KALRN: variants seen among roughly 807,000 people sequenced by gnomAD.
KALRN encodes the protein kalirin.
A neutral mutation model predicts 353.7 loss-of-function variants in KALRN; 70 were observed. The ratio of observed to expected loss-of-function variants is 0.20; its 90% CI spans 0.16 to 0.24. KALRN has a LOEUF of 0.24. Ranked by LOEUF, KALRN falls within the 10% of genes least tolerant of loss-of-function variation. KALRN has a pLI of 1.00. For synonymous variants in KALRN, 1,391 were observed against 1,434.8 expected, an observed-to-expected ratio of 0.97 and a Z score of 0.69; for missense variants, 2,791 against 3,756.7, an observed-to-expected ratio of 0.74 and a Z score of 6.72.
At chr3:124,395,094 TC>T (rs752227547) in intron 11 of KALRN, 40 bp from the exon 12 acceptor site, 2 of 1,556,010 alleles carry the variant, frequency 1.3e-6, no homozygotes, top group South Asian at 2.3e-5. Flanking sequence ...CCCTGGCCTC[TC>T]CCATCTTCCC....
intron 25 of KALRN, 47 bp downstream of exon 25, chr3:124,462,680 C>A (rs375659012): frequency 5.4e-6 from 6 of 1,112,002 alleles, no homozygotes; most frequent in Admixed American, 1.8e-5. Context: ...GCCGTAAAAA[C>A]CAGACAACAG....
At chr3:124,251,034 C>T (rs1477890197) in intron 3 of KALRN, among the ~76,000 whole-genome samples, 4 of 152,222 alleles carry the variant, frequency 2.6e-5, no homozygotes, top group Admixed American at 1.3e-4. Context: ...CATGTCTTCT[C>T]TTGGCTAAGA....
chr3:124,387,771 A>C (rs568447658), intron 11 of KALRN, among the ~76,000 whole-genome samples: 4 of 152,302 alleles, frequency 2.6e-5, no homozygotes, highest in Admixed American at 2.0e-4. Context: ...CATTCTATTC[A>C]AGACATCTAC....
At chr3:124,359,472 C>G (rs1434938549) in intron 10 of KALRN, among the ~76,000 whole-genome samples, 4 of 152,228 alleles carry the variant, frequency 2.6e-5, no homozygotes, top group Non-Finnish European at 4.4e-5. Context: ...TAGTAGTCCC[C>G]TATCTCCATA....
chr3:124,042,787 G>C (rs574986995), intron 1 of KALRN, among the ~76,000 whole-genome samples: 1 of 152,160 alleles, frequency 6.6e-6, no homozygotes, highest in South Asian at 2.1e-4. Flanking sequence ...GCTAAGGGAC[G>C]TGTGGATTCA....
intron 1 of KALRN, among the ~76,000 whole-genome samples, chr3:124,115,835 G>A (rs142980030): frequency 3.3e-5 from 5 of 152,282 alleles, no homozygotes; most frequent in African/African-American, 1.2e-4. Flanking sequence ...ATAAATACCA[G>A]AAGCTTCATG....
chr3:124,279,699 G>A (rs2075148004), intron 5 of KALRN, among the ~76,000 whole-genome samples: 1 of 152,230 alleles, frequency 6.6e-6, no homozygotes, highest in Non-Finnish European at 1.5e-5. Flanking sequence ...ACTTGCTGAA[G>A]ATAAGCCAAT....
rs753457795 is a variant in KALRN, at chr3:124,334,338, C to T, written c.1490C>T (p.Thr497Met). 3.3e-5 allele frequency: 53 copies of T among 1,614,138 alleles called. No individual in the cohort carries two copies. Among genetic ancestry groups the T allele is most frequent in the Non-Finnish European group, 4.0e-5 (47 of 1,180,052 alleles). The change falls in exon 9 of 60, where the codon ACG becomes ATG. Residue 497 changes from threonine (T) to methionine (M), a missense_variant. By Grantham distance (81) the Thr-to-Met change is moderately conservative. This residue lies in a region of KALRN where 366 missense variants were observed against 489.2 expected (regional missense o/e 0.75). Coordinates refer to ENST00000682506, the MANE Select transcript of KALRN (RefSeq NM_001388419.1). This position sits in a 1 kb window ranked among gnomAD's most constrained non-coding sequence, Gnocchi z 4.2. ...AGCCCTGGGAACTCCGAATCCCTCA[C>T]GGCCACAGCCAACTACTCCAAGGCA... ...PLSPGNSESLTATANYSKAVH... is the reference protein window; with the variant it reads ...PLSPGNSESLMATANYSKAVH...
At chr3:124,342,058 T>C (rs1480041090) in intron 9 of KALRN, among the ~76,000 whole-genome samples, 1 of 152,094 alleles carries the variant, frequency 6.6e-6, no homozygotes, top group East Asian at 1.9e-4. Flanking sequence ...GGGGACTTAG[T>C]GTCAAGGTAA....
At chr3:124,553,970 C>T (rs542355542) in intron 33 of KALRN, among the ~76,000 whole-genome samples, 13 of 152,348 alleles carry the variant, frequency 8.5e-5, no homozygotes, top group African/African-American at 2.4e-4. Flanking sequence ...CTTCTTTCCC[C>T]GAGGAGAGTA....
At chr3:124,500,354 A>C (rs117666262) in intron 33 of KALRN, among the ~76,000 whole-genome samples, 1 of 152,300 alleles carries the variant, frequency 6.6e-6, no homozygotes, top group East Asian at 1.9e-4. Context: ...CTGCAGCTTC[A>C]TCCAAATTCT....
At chr3:124,401,596 G>A (rs2090877956) in intron 13 of KALRN, among the ~76,000 whole-genome samples, 2 of 152,174 alleles carry the variant, frequency 1.3e-5, no homozygotes, top group African/African-American at 4.8e-5. Flanking sequence ...CCTAAGTACT[G>A]GACAACCTGG....
At chr3:124,304,637 C>T (rs2077538902) in intron 6 of KALRN, among the ~76,000 whole-genome samples, 2 of 152,142 alleles carry the variant, frequency 1.3e-5, no homozygotes, top group Admixed American at 1.3e-4. Flanking sequence ...AAAATGCATA[C>T]AGCAAATGAA....
chr3:124,391,196 T>C (rs756904093), intron 11 of KALRN, among the ~76,000 whole-genome samples: 1 of 149,400 alleles, frequency 6.7e-6, no homozygotes, highest in Non-Finnish European at 1.5e-5. Flanking sequence ...GGTCATAGTA[T>C]ACATATATTT....
intron 28 of KALRN, among the ~76,000 whole-genome samples, chr3:124,484,265 CAG>C (rs2062305196): frequency 1.3e-5 from 2 of 152,212 alleles, no homozygotes; most frequent in African/African-American, 4.8e-5. Context: ...GGCAGCAGTG[CAG>C]TGAAGGTGCA....
intron 1 of KALRN, among the ~76,000 whole-genome samples, chr3:124,208,981 AATAATC>A (rs1247021186): frequency 1.3e-5 from 2 of 151,374 alleles, no homozygotes; most frequent in African/African-American, 2.4e-5. Context: ...TAATAATAAT[AATAATC>A]ATCATCATCA....
intron 1 of KALRN, among the ~76,000 whole-genome samples, chr3:124,122,584 CATT>C (rs1332861452): frequency 6.6e-6 from 1 of 152,116 alleles, no homozygotes; most frequent in Non-Finnish European, 1.5e-5. Flanking sequence ...CAAACTGTTT[CATT>C]ATTATTATAT....
chr3:124,673,588 A>G (rs1303658090), intron 48 of KALRN, among the ~76,000 whole-genome samples: 2 of 151,890 alleles, frequency 1.3e-5, no homozygotes. Flanking sequence ...ATGTATATGC[A>G]TATAGAATAT....
At position 124,353,135 on chromosome 3, in the gene KALRN, G is replaced by T. The variant is rs1162774012; in HGVS notation, c.1770+5870G>T. 2.0e-5 allele frequency among the ~76,000 whole-genome samples: 3 copies of T among 152,274 alleles called. No homozygotes were observed. The East Asian group carries it at 5.8e-4, about 29-fold the overall frequency. On this transcript the variant is annotated intron_variant, in intron 10 of 59. Transcript: ENST00000682506. ...TGAACTCTGTAGGCAACTGCATTGT[G>T]CTATCTTGATACTTTGTTGACTTAG...
Sources: allele counts gnomAD v4.1 joint callset (sites outside exome capture counted in the v4.1 genomes callset), GRCh38; gene constraint gnomAD v4.1.1; regional missense constraint gnomAD v4.1.1; non-coding constraint Gnocchi (gnomAD v3.1); transcripts MANE v1.5; gene names NCBI Gene and HGNC (gene_info 2026-07-23, HGNC 2026-07-21).